Variants in DNAH8 observed in about 807,000 individuals in gnomAD.
DNAH8 encodes dynein axonemal heavy chain 8.
A neutral mutation model predicts 562.1 loss-of-function variants in DNAH8; 382 were observed. That is an observed-to-expected ratio of 0.68 (90% CI 0.63 to 0.74). The LOEUF (loss-of-function observed/expected upper bound fraction) is 0.74, where lower values mean the gene tolerates loss of function less well. DNAH8 is among the 30% of genes least tolerant of loss of function. The probability of loss-of-function intolerance (pLI) is 0.00; values close to 1 mark genes in which losing one functional copy is unlikely to be tolerated. For synonymous variants in DNAH8, 1,881 were observed against 1,919.4 expected (o/e 0.98, Z 0.52); for missense variants, 5,203 against 5,620.4 (o/e 0.93, Z 2.37).
In DNAH8 at chr6:38,726,545, G is replaced by T. The variant is rs569161669; in HGVS notation, c.525+3074G>T. ...ATGGTCCAGGACTGACACTGCTTAG[G>T]CTGCAAGGAATGGGAAATGTAGGCA... On this transcript the variant is annotated intron_variant, in intron 3 of 92. Transcript: ENST00000327475. Among the ~76,000 whole-genome samples, 5 of 152,290 alleles carry T rather than the reference G, an allele frequency of 3.3e-5. 1 individual carries two copies. The highest frequency in any genetic ancestry group is 1.2e-4 in the African/African-American group (5 of 41,556).
At chr6:38,978,419 A>C (rs1457273382) in intron 85 of DNAH8, among the ~76,000 whole-genome samples, 1 of 152,208 alleles carries the variant, frequency 6.6e-6, no homozygotes, top group Non-Finnish European at 1.5e-5. Flanking sequence ...AATAGTGCAT[A>C]TAAAGTTCTT....
chr6:38,994,463 G>A (rs1314974192), intron 88 of DNAH8, among the ~76,000 whole-genome samples: 1 of 148,872 alleles, frequency 6.7e-6, no homozygotes, highest in Non-Finnish European at 1.5e-5. Flanking sequence ...TAGTAAGAAA[G>A]CTTCTTCCCT....
intron 24 of DNAH8, among the ~76,000 whole-genome samples, chr6:38,808,333 A>G (rs1023278480): frequency 1.3e-5 from 2 of 152,204 alleles, no homozygotes; most frequent in Non-Finnish European, 2.9e-5. Context: ...ATGGCCCCTC[A>G]TCCCTACAGA....
intron 68 of DNAH8, 132 bp from the exon 69 acceptor site, chr6:38,917,107 G>A: frequency 1.6e-6 from 1 of 609,720 alleles, no homozygotes; most frequent in Non-Finnish European, 2.6e-6. Flanking sequence ...GAGCCACTAA[G>A]CAAAAATCTT....
chr6:38,811,320 A>T (rs1392201350), intron 24 of DNAH8, among the ~76,000 whole-genome samples: 1 of 152,220 alleles, frequency 6.6e-6, no homozygotes, highest in Non-Finnish European at 1.5e-5. Flanking sequence ...AGGTGCCAGG[A>T]CACAGTGAAT....
chr6:38,970,677 T>C (rs55714548), intron 82 of DNAH8, among the ~76,000 whole-genome samples: 2,181 of 152,292 alleles, frequency 0.014, 56 homozygotes, highest in African/African-American at 0.047. Flanking sequence ...CTCCAGCTTC[T>C]TATAGTCTCT....
At chr6:38,831,205 A>G (rs935420300) in intron 30 of DNAH8, among the ~76,000 whole-genome samples, 7 of 152,066 alleles carry the variant, frequency 4.6e-5, no homozygotes, top group African/African-American at 1.4e-4. Flanking sequence ...TGGGTGGATC[A>G]CTTGAGCCCA....
intron 91 of DNAH8, among the ~76,000 whole-genome samples, chr6:39,023,800 T>C (rs1767091032): frequency 6.6e-6 from 1 of 152,238 alleles, no homozygotes; most frequent in Non-Finnish European, 1.5e-5. Flanking sequence ...TTCTCTACGT[T>C]CTCTGAACAT....
chr6:38,867,613 C>T (rs1036141424), intron 47 of DNAH8, among the ~76,000 whole-genome samples: 10 of 150,714 alleles, frequency 6.6e-5, no homozygotes, highest in African/African-American at 2.2e-4. Flanking sequence ...ATTAGCCAGG[C>T]GTGGTGGCAC....
chr6:39,016,870 C>T (rs1406108829), intron 91 of DNAH8, among the ~76,000 whole-genome samples: 2 of 152,168 alleles, frequency 1.3e-5, no homozygotes, highest in South Asian at 2.1e-4. Flanking sequence ...CTGGTCAGCA[C>T]CTGAGCTTCT....
chr6:38,952,224 G>A (rs1761952763), intron 82 of DNAH8, among the ~76,000 whole-genome samples: 1 of 152,136 alleles, frequency 6.6e-6, no homozygotes, highest in Non-Finnish European at 1.5e-5. Context: ...AGTTACTCCA[G>A]GGAGAGGAGA....
chr6:38,715,940 A>ATTT (rs1762268926), intron 1 of DNAH8, among the ~76,000 whole-genome samples: 1 of 13,790 alleles, frequency 7.3e-5, no homozygotes, highest in Admixed American at 8.1e-4. Flanking sequence ...ATATATATAT[A>ATTT]TATATATATA....
chr6:38,960,785 A>C (rs1561917298), intron 82 of DNAH8, among the ~76,000 whole-genome samples: 1 of 152,016 alleles, frequency 6.6e-6, no homozygotes, highest in African/African-American at 2.4e-5. Flanking sequence ...AAGAGGTGCA[A>C]TCATTAAGAA....
In DNAH8 at chr6:38,780,043, C is replaced by T; in HGVS notation, c.2117C>T (p.Ala706Val). The T allele has an allele frequency of 6.2e-7, 1 of 1,613,946 alleles. No individual in the cohort carries two copies. Among genetic ancestry groups the T allele is most frequent in the Non-Finnish European group, 8.5e-7 (1 of 1,179,918 alleles). The change falls in exon 15 of 93, where the codon GCT becomes GTT. Residue 706 changes from alanine to valine, a missense_variant. By Grantham distance (64) the Ala-to-Val change is moderately conservative. Around this residue, in one of 6 missense-constraint regions of DNAH8, gnomAD observed 2,176 missense variants for 2,365.1 expected, o/e 0.92. Transcript: ENST00000327475. ...TIERILQYYVAELDATKKLYH... is the reference protein window; with the variant it reads ...TIERILQYYVVELDATKKLYH... The stretch of plus-strand genomic sequence containing the variant: ...GAGCGTATTCTTCAGTACTATGTGG[C>T]TGAACTTGATGCTACTAAGAAGGCA...
chr6:38,834,318 A>G (rs1774096233), intron 31 of DNAH8, among the ~76,000 whole-genome samples: 1 of 152,218 alleles, frequency 6.6e-6, no homozygotes, highest in Non-Finnish European at 1.5e-5. Context: ...GTTCTAAATG[A>G]TTGTGGTCAT....
Position 38,852,776 on chromosome 6 carries a change from CAA to C in DNAH8, c.5550_5551del (p.Glu1852ArgfsTer8). 6.2e-7 allele frequency: 1 copy of C among 1,612,234 alleles called. No homozygotes were observed. Among genetic ancestry groups the C allele is most frequent in the Non-Finnish European group, 8.5e-7 (1 of 1,179,200 alleles). On this transcript the variant is annotated frameshift_variant, in exon 40 of 93. Transcript: ENST00000327475. LOFTEE classifies it high-confidence loss of function. Reference sequence around the variant, plus strand: ...TATGATCGCATCATGGCCGTCATATCAAGAGAAGGAGAAAAAATTGTTGTAAT... The same window carrying C: ...TATGATCGCATCATGGCCGTCATATCGAGAAGGAGAAAAAATTGTTGTAAT...
intron 91 of DNAH8, among the ~76,000 whole-genome samples, chr6:39,013,626 C>A (rs1207565126): frequency 1.3e-5 from 2 of 152,198 alleles, no homozygotes; most frequent in Middle Eastern, 3.4e-3. Flanking sequence ...TCAAGGTGGG[C>A]AAGTTGCTTG....
intron 11 of DNAH8, chr6:38,764,725 A>G (rs184516866): frequency 1.3e-5 from 2 of 152,378 alleles, no homozygotes; most frequent in South Asian, 2.1e-4. Context: ...TTGTGTATGC[A>G]TTTAAAAACT....
chr6:39,030,432 A>G lies in DNAH8; in HGVS notation c.*40A>G, dbSNP rs776148522. On this transcript the variant is annotated 3_prime_UTR_variant, in exon 93 of 93. Transcript: ENST00000327475. Reference sequence around the variant, plus strand: ...GCTCAGGGCACCAGAACCCACATAGACAGCCTGTGCTATTGAGGGACTCAG... The same window carrying G: ...GCTCAGGGCACCAGAACCCACATAGGCAGCCTGTGCTATTGAGGGACTCAG... 15 of 1,574,816 alleles carry G rather than the reference A, an allele frequency of 9.5e-6. No homozygotes were observed. The highest frequency in any genetic ancestry group is 2.7e-5 in the African/African-American group (2 of 74,292).
Sources: allele counts gnomAD v4.1 joint callset (sites outside exome capture counted in the v4.1 genomes callset), GRCh38; gene constraint gnomAD v4.1.1; regional missense constraint gnomAD v4.1.1; transcripts MANE v1.5; gene names NCBI Gene and HGNC (gene_info 2026-07-23, HGNC 2026-07-21).